Variants in PTPN22 observed in about 807,000 individuals in gnomAD.
The protein encoded by PTPN22 is tyrosine-protein phosphatase non-receptor type 22.
A neutral mutation model predicts 103.3 loss-of-function variants in PTPN22; 85 were observed. That is an observed-to-expected ratio of 0.82 (90% CI 0.69 to 0.99). PTPN22 has a LOEUF of 0.99. Among genes scored for constraint, PTPN22 ranks in the 50% least tolerant of loss-of-function variants. The probability of loss-of-function intolerance (pLI) is 0.00; values close to 1 mark genes in which losing one functional copy is unlikely to be tolerated. For synonymous variants in PTPN22, 323 were observed against 310.2 expected (o/e 1.04, Z -0.43); for missense variants, 865 against 936.9 (o/e 0.92, Z 1.00).
chr1:113,830,618 T>C (rs529697124), intron 16 of PTPN22, among the ~76,000 whole-genome samples: 1 of 152,266 alleles, frequency 6.6e-6, no homozygotes, highest in South Asian at 2.1e-4. Flanking sequence ...TTTGAGACAA[T>C]TGAAAACTGA....
chr1:113,821,292 G>A (rs1223972267), intron 19 of PTPN22, among the ~76,000 whole-genome samples: 1 of 151,848 alleles, frequency 6.6e-6, no homozygotes, highest in Non-Finnish European at 1.5e-5. Flanking sequence ...GGCTCATCAT[G>A]GATTTTTTTG....
intron 4 of PTPN22, 86 bp downstream of exon 4, chr1:113,858,392 A>T: frequency 1.1e-6 from 1 of 880,196 alleles, no homozygotes; most frequent in Non-Finnish European, 1.7e-6. Flanking sequence ...AGATGCCTGA[A>T]CCCTGAAGTT....
chr1:113,861,238 T>C (rs1665561975), intron 1 of PTPN22, among the ~76,000 whole-genome samples: 1 of 152,008 alleles, frequency 6.6e-6, no homozygotes, highest in Non-Finnish European at 1.5e-5. Context: ...TTTTTGTTTG[T>C]TTGTTTTTGT....
rs796313328 is a variant in PTPN22 at position 113,839,653 on chromosome 1, G to GA, written c.916-1034dup. Among the ~76,000 whole-genome samples, 15 of 152,048 alleles carry GA rather than the reference G, an allele frequency of 9.9e-5. No individual in the cohort carries two copies. The South Asian group carries it at 2.9e-3, about 29-fold the overall frequency. On this transcript the variant is annotated intron_variant, in intron 11 of 20. Transcript: ENST00000359785. ...CATTTTGAACATCTCAGTTGATGCA[G>GA]AAAAAGCGTTTGACAAAATTCATGT...
intron 20 of PTPN22, chr1:113,815,625 A>G (rs1436523396): frequency 6.6e-6 from 1 of 152,204 alleles, no homozygotes; most frequent in Non-Finnish European, 1.5e-5. Flanking sequence ...GTTCTTTATC[A>G]TTTCAGCAAC....
chr1:113,831,008 C>T (rs1259966772), intron 16 of PTPN22, among the ~76,000 whole-genome samples: 1 of 152,130 alleles, frequency 6.6e-6, no homozygotes, highest in East Asian at 1.9e-4. Context: ...AAATAACTGG[C>T]ATACAGTAGG....
chr1:113,860,958 G>GGT (rs139654151), intron 1 of PTPN22, among the ~76,000 whole-genome samples: 1 of 151,964 alleles, frequency 6.6e-6, no homozygotes, highest in East Asian at 1.9e-4. Context: ...AAAGGTGATG[G>GGT]GTGTGTGTGT....
At chr1:113,825,985 T>C (rs1285458977) in intron 18 of PTPN22, among the ~76,000 whole-genome samples, 5 of 152,080 alleles carry the variant, frequency 3.3e-5, no homozygotes, top group African/African-American at 1.2e-4. Flanking sequence ...AGTGCTGGGA[T>C]TACAGGCGTG....
chr1:113,851,341 A>G (rs2102060830), intron 10 of PTPN22, among the ~76,000 whole-genome samples: 1 of 152,094 alleles, frequency 6.6e-6, no homozygotes, highest in Admixed American at 6.5e-5. Flanking sequence ...TTTAGTAGAG[A>G]CAGGGTTTCA....
chr1:113,839,343 T>A (rs1663308549), intron 11 of PTPN22, among the ~76,000 whole-genome samples: 1 of 151,950 alleles, frequency 6.6e-6, no homozygotes, highest in Non-Finnish European at 1.5e-5. Context: ...GCCTCCCAAG[T>A]AGCTGGGACA....
At chr1:113,834,393 C>T (rs1662802552) in exon 15 of PTPN22, 7 of 1,613,240 alleles carry the variant, frequency 4.3e-6, no homozygotes, top group African/African-American at 1.3e-5. Flanking sequence ...CAATTTTTAC[C>T]TTCACAGCTG....
At chr1:113,867,478 G>A (rs1666210095) in intron 1 of PTPN22, among the ~76,000 whole-genome samples, 2 of 152,254 alleles carry the variant, frequency 1.3e-5, no homozygotes, top group East Asian at 3.9e-4. Context: ...TTCTTAAGGA[G>A]TAGTAAATAA....
At chr1:113,870,492 C>T (rs1230709614) in intron 1 of PTPN22, among the ~76,000 whole-genome samples, 2 of 152,148 alleles carry the variant, frequency 1.3e-5, no homozygotes, top group African/African-American at 4.8e-5. Context: ...TGAATGAGGC[C>T]TACCCAGCTG....
chr1:113,870,871 AT>A (rs912903163), intron 1 of PTPN22, among the ~76,000 whole-genome samples: 1 of 151,682 alleles, frequency 6.6e-6, no homozygotes, highest in Non-Finnish European at 1.5e-5. Context: ...GAAAAAAACA[AT>A]TTTTTTTTAA....
intron 11 of PTPN22, among the ~76,000 whole-genome samples, chr1:113,846,062 C>T (rs2102022738): frequency 6.6e-6 from 1 of 152,204 alleles, no homozygotes; most frequent in South Asian, 2.1e-4. Context: ...TTTTTTAATT[C>T]TCTATGCCAG....
exon 6 of PTPN22, chr1:113,856,581 C>T (rs774847524): frequency 6.2e-7 from 1 of 1,614,198 alleles, no homozygotes. Context: ...ATTCCAGCTG[C>T]ATCTCTCCTG....
At chr1:113,829,965 AAAG>A (rs767002543) in exon 17 of PTPN22, 2 of 1,603,470 alleles carry the variant, frequency 1.2e-6, no homozygotes, top group Admixed American at 1.7e-5. Context: ...CATCGGCAAG[AAAG>A]AAGGACTCTA....
intron 16 of PTPN22, among the ~76,000 whole-genome samples, chr1:113,832,345 G>A (rs1276623368): frequency 6.6e-5 from 10 of 152,196 alleles, no homozygotes; most frequent in African/African-American, 1.9e-4. Flanking sequence ...CCGCCACCAC[G>A]CCCAGCTAAT....
At chr1:113,828,175 G>T (rs1427146823) in intron 18 of PTPN22, among the ~76,000 whole-genome samples, 1 of 140,684 alleles carries the variant, frequency 7.1e-6, no homozygotes, top group Non-Finnish European at 1.6e-5. Flanking sequence ...GCCAGTTGCA[G>T]ATTTTTTTTC....
Sources: gnomAD v4.1 joint callset for allele counts (sites outside exome capture counted in the v4.1 genomes callset) on GRCh38, gnomAD v4.1.1 for gene constraint, MANE v1.5 for transcripts, NCBI Gene and HGNC (gene_info 2026-07-23, HGNC 2026-07-21) for gene names.